Variants in PRKCH observed in about 807,000 individuals in gnomAD.
The protein encoded by PRKCH is protein kinase C eta, also known as protein kinase C eta type.
Under a neutral mutation model 82.5 loss-of-function variants are expected in PRKCH, and 28 were observed. The observed-to-expected ratio is 0.34, with a 90% confidence interval of 0.25 to 0.47. The LOEUF (loss-of-function observed/expected upper bound fraction) is 0.47. Among genes scored for constraint, PRKCH ranks in the 20% least tolerant of loss-of-function variants. The pLI is 1.00. For missense variants in PRKCH, 705 were observed against 881.8 expected (o/e 0.80, Z 2.54); for synonymous variants, 322 against 327.4 (o/e 0.98, Z 0.18).
chr14:61,372,246 C>T (rs553624441), intron 1 of PRKCH, among the ~76,000 whole-genome samples: 35 of 152,148 alleles, frequency 2.3e-4, no homozygotes, highest in African/African-American at 6.8e-4. Flanking sequence ...CTGGGCACTG[C>T]GTGTCCTTGT....
chr14:61,250,672 T>A (rs1052607452), intron 1 of PRKCH, among the ~76,000 whole-genome samples: 5 of 152,204 alleles, frequency 3.3e-5, no homozygotes, highest in African/African-American at 1.2e-4. Flanking sequence ...TAGATACATG[T>A]CATTATACAA....
chr14:61,493,789 T>C (rs963412773), intron 10 of PRKCH, among the ~76,000 whole-genome samples: 4 of 151,906 alleles, frequency 2.6e-5, no homozygotes, highest in Admixed American at 1.3e-4. Flanking sequence ...GAGGTTCATT[T>C]TGAGGCAGTT....
rs1884832793 is a variant in PRKCH, at chr14:61,457,547, TG to T, written c.1147del (p.Val383Ter). The T allele has an allele frequency of 6.2e-7, 1 of 1,614,034 alleles. No homozygotes were observed. ...TAAAAGAAACAGGAGACCTCTATGC[TG>T]TGAAGGTGCTGAAGAAGGACGTGAT... ...RVKETGDLYA[V>X]KVLKKDVILQ... is the part of the protein sequence containing the mutation. On this transcript the variant is annotated frameshift_variant, in exon 9 of 14. Coordinates refer to ENST00000332981, the MANE Select transcript of PRKCH (RefSeq NM_006255.5). LOFTEE classifies it high-confidence loss of function.
rs1033857543 is a variant in PRKCH at position 61,193,915 on chromosome 14, T to C, written c.-19+6247T>C. 2.6e-5 allele frequency among the ~76,000 whole-genome samples: 4 copies of C among 152,336 alleles called. 1 individual carries two copies. The South Asian group carries it at 8.3e-4, about 32-fold the overall frequency. On this transcript the variant is annotated intron_variant, in intron 1 of 3. Transcript: ENST00000555185. ...CCTGCTCTAGGATAAACACATTGCTTTCCCAGGCTGGCTTTTCCTGCTTTT... is the reference window on the plus strand; with the variant it reads ...CCTGCTCTAGGATAAACACATTGCTCTCCCAGGCTGGCTTTTCCTGCTTTT...
chr14:61,448,035 C>T (rs890657289), intron 4 of PRKCH, among the ~76,000 whole-genome samples: 1 of 152,104 alleles, frequency 6.6e-6, no homozygotes. Context: ...AATTGATAAG[C>T]CTTTACCAAG....
At chr14:61,335,423 C>G (rs1278835377) in intron 1 of PRKCH, among the ~76,000 whole-genome samples, 4 of 152,026 alleles carry the variant, frequency 2.6e-5, no homozygotes, top group Non-Finnish European at 5.9e-5. Context: ...TTTAGATGGA[C>G]AGGATAATTG....
chr14:61,457,379 G>T (rs1884823804), intron 8 of PRKCH, 60 bp downstream of exon 8: 1 of 1,601,744 alleles, frequency 6.2e-7, no homozygotes, highest in Non-Finnish European at 8.5e-7. Context: ...TGGGGGGTGT[G>T]TGTGTGTGTG....
chr14:61,508,971 C>T (rs1887265534), intron 10 of PRKCH, among the ~76,000 whole-genome samples: 1 of 152,046 alleles, frequency 6.6e-6, no homozygotes, highest in Admixed American at 6.5e-5. Context: ...TCATTTGATT[C>T]CCATCCATGT....
intron 9 of PRKCH, among the ~76,000 whole-genome samples, chr14:61,472,230 C>G (rs760966407): frequency 6.6e-6 from 1 of 152,208 alleles, no homozygotes; most frequent in Non-Finnish European, 1.5e-5. Flanking sequence ...GATTAGCTGA[C>G]TGAGCATATA....
chr14:61,363,248 T>C (rs2046253766), intron 1 of PRKCH, among the ~76,000 whole-genome samples: 1 of 152,138 alleles, frequency 6.6e-6, no homozygotes, highest in Non-Finnish European at 1.5e-5. Flanking sequence ...TTCTAGCTGA[T>C]GGGGAACTGT....
At chr14:61,506,063 T>C (rs566405416) in intron 10 of PRKCH, among the ~76,000 whole-genome samples, 23 of 152,238 alleles carry the variant, frequency 1.5e-4, no homozygotes, top group African/African-American at 5.3e-4. Flanking sequence ...TCCACATCAA[T>C]GCCTACCAGG....
In PRKCH at chr14:61,443,214, G is replaced by A. The variant is rs544105845; in HGVS notation, c.531G>A (p.Thr177=). ...HQINGHKFMA[T]YLRQPTYCSH... is the part of the protein sequence containing the mutation. ...TCAATGGACACAAGTTCATGGCCAC[G>A]TATCTGAGGCAGCCCACCTACTGCT... The change falls in exon 3 of 14, where the codon ACG becomes ACA. Residue 177 remains threonine (T), a synonymous_variant. Transcript: ENST00000332981. The A allele has an allele frequency of 8.7e-6, 14 of 1,614,082 alleles. No homozygotes were observed. The highest frequency in any genetic ancestry group is 4.4e-5 in the South Asian group (4 of 91,068).
chr14:61,273,141 C>T (rs1242620935), intron 1 of PRKCH, among the ~76,000 whole-genome samples: 3 of 152,124 alleles, frequency 2.0e-5, no homozygotes, highest in African/African-American at 7.2e-5. Flanking sequence ...GGTTTTATGG[C>T]CCTTCTGTGG....
chr14:61,521,614 C>G (rs2042907924), intron 10 of PRKCH, among the ~76,000 whole-genome samples: 1 of 151,750 alleles, frequency 6.6e-6, no homozygotes, highest in Non-Finnish European at 1.5e-5. Context: ...GTTGCCCAGG[C>G]TGGAGTGCAA....
At chr14:61,336,077 G>A (rs1323002189) in intron 1 of PRKCH, among the ~76,000 whole-genome samples, 1 of 152,208 alleles carries the variant, frequency 6.6e-6, no homozygotes, top group East Asian at 1.9e-4. Context: ...CATCTACACA[G>A]GGCATGACAT....
chr14:61,480,297 A>G (rs928092528), intron 9 of PRKCH, among the ~76,000 whole-genome samples: 1 of 152,170 alleles, frequency 6.6e-6, no homozygotes, highest in Non-Finnish European at 1.5e-5. Flanking sequence ...GTACTTCCCT[A>G]AATGCAGGAT....
chr14:61,188,750 G>T lies in PRKCH; in HGVS notation c.-19+1082G>T, dbSNP rs2044388302. Among the ~76,000 whole-genome samples, 7 of 100,622 alleles carry T rather than the reference G, an allele frequency of 7.0e-5. 1 individual carries two copies. The highest frequency in any genetic ancestry group is 1.2e-4 in the Admixed American group (1 of 8,090). 66.0% of individuals were successfully genotyped at this position (100,622 alleles called of 152,430 possible). A position where few individuals can be genotyped will look rare whatever the true frequency, so the allele number is the denominator to read the frequency against. On this transcript the variant is annotated intron_variant, in intron 1 of 3. Coordinates refer to the PRKCH transcript ENST00000555185. ...GTGTGTGTGTGTGTGATGGAGTTTT[G>T]CTCTTGTTGCCCAGGCTGGAGTGCA...
At chr14:61,424,674 A>G (rs1368732069) in intron 2 of PRKCH, among the ~76,000 whole-genome samples, 1 of 152,244 alleles carries the variant, frequency 6.6e-6, no homozygotes, top group African/African-American at 2.4e-5. Context: ...CTGGGGAGAA[A>G]TTAAAGCTGG....
chr14:61,485,333 A>G (rs1025419976), intron 9 of PRKCH, among the ~76,000 whole-genome samples, 169 bp from the exon 10 acceptor site: 1 of 152,080 alleles, frequency 6.6e-6, no homozygotes, highest in Non-Finnish European at 1.5e-5. Flanking sequence ...AGGGGATCTA[A>G]TCCCACCAGA....
Sources: allele counts gnomAD v4.1 joint callset (sites outside exome capture counted in the v4.1 genomes callset), GRCh38; gene constraint gnomAD v4.1.1; transcripts MANE v1.5; gene names NCBI Gene and HGNC (gene_info 2026-07-23, HGNC 2026-07-21).